Variants in CD72 observed in about 807,000 individuals in gnomAD.
CD72 encodes the protein CD72 molecule.
A neutral mutation model predicts 50.7 loss-of-function variants in CD72; 28 were observed. The ratio of observed to expected loss-of-function variants is 0.55; its 90% CI spans 0.41 to 0.76. The LOEUF is 0.76. Ranked by LOEUF, CD72 falls within the 30% of genes least tolerant of loss-of-function variation. The pLI, the probability that CD72 is intolerant of heterozygous loss-of-function variation, is 0.00. For synonymous variants in CD72, 176 were observed against 171.2 expected (o/e 1.03, Z -0.22); for missense variants, 403 against 420.6 (o/e 0.96, Z 0.37).
chr9:35,620,701 G>A (rs561388779), upstream of CD72, among the ~76,000 whole-genome samples: 2 of 152,204 alleles, frequency 1.3e-5, no homozygotes, highest in South Asian at 4.2e-4. Flanking sequence ...ATGGTGGCAT[G>A]TGCCTGTAAT....
At chr9:35,626,914 C>T (rs919764948) in intron 1 of CD72, among the ~76,000 whole-genome samples, 24 of 149,560 alleles carry the variant, frequency 1.6e-4, no homozygotes, top group Admixed American at 6.7e-4. Flanking sequence ...TGCAGTGGCA[C>T]AATGTCAGCT....
upstream of CD72, chr9:35,618,490 A>C: frequency 1.4e-6 from 2 of 1,405,672 alleles, no homozygotes; most frequent in South Asian, 2.5e-5. Flanking sequence ...GATGGGCTCA[A>C]TGAAGCAGAA....
At chr9:35,641,116 G>A (rs1352992182) in intron 1 of CD72, among the ~76,000 whole-genome samples, 1 of 152,170 alleles carries the variant, frequency 6.6e-6, no homozygotes, top group Non-Finnish European at 1.5e-5. Context: ...GGGGAGGTTG[G>A]CTGATGACCG....
chr9:35,643,886 T>C (rs1285537738), intron 1 of CD72, among the ~76,000 whole-genome samples: 1 of 151,852 alleles, frequency 6.6e-6, no homozygotes, highest in Non-Finnish European at 1.5e-5. Flanking sequence ...GTTGGGAGGC[T>C]GGGGCAGGAG....
chr9:35,618,146 AG>A (rs1823097637), intron 1 of CD72, 25 bp from the exon 2 acceptor site: 1 of 1,609,378 alleles, frequency 6.2e-7, no homozygotes, highest in South Asian at 1.1e-5. Flanking sequence ...AAAGGGACCA[AG>A]GTGGGATTTG....
upstream of CD72, chr9:35,618,964 G>T: frequency 3.0e-6 from 1 of 333,390 alleles, no homozygotes; most frequent in South Asian, 2.3e-5. Flanking sequence ...GGGAGCCAGG[G>T]AGCAGGTGAG....
Position 35,616,167 on chromosome 9 carries a change from T to A in CD72, c.464A>T (p.Glu155Val), listed in dbSNP as rs745594699. 1.2e-6 allele frequency: 2 copies of A among 1,614,060 alleles called. No homozygotes were observed. The highest frequency in any genetic ancestry group is 2.7e-5 in the African/African-American group (2 of 74,924). ...CTCTCTCCTGGACCCCTGCAGATCC[T>A]CTGCACTCTGTCCCAGCTGCGTTAT... is the stretch of plus-strand genomic sequence containing the variant. ...LKITQLGQSA[E>V]DLQGSRRELA... Residue 155 changes from glutamate to valine, a missense_variant, in exon 5 of 9, where the codon GAG (glutamate) becomes GTG (valine). Transcript: ENST00000259633.
Position 35,616,662 on chromosome 9 carries a change from A to G in CD72, c.290T>C (p.Leu97Pro). Residue 97 changes from leucine to proline, a missense_variant, in exon 4 of 9, where the codon CTG (leucine) becomes CCG (proline). Leu to Pro is a moderately conservative substitution (Grantham distance 98, BLOSUM62 -3). Coordinates refer to ENST00000259633, the MANE Select transcript of CD72 (RefSeq NM_001782.3). ...PCRTTCLRYL[L>P]LGLLLTCLLL... ...CAGGCAGGTGAGGAGCAGGCCGAGC[A>G]GGAGGTATCGCAGGCAGGTTGTGCG... The G allele has an allele frequency of 6.2e-7, 1 of 1,613,888 alleles. No individual in the cohort carries two copies. Among genetic ancestry groups the G allele is most frequent in the Non-Finnish European group, 8.5e-7 (1 of 1,179,998 alleles).
chr9:35,645,353 G>A (rs1275724266), intron 1 of CD72, among the ~76,000 whole-genome samples: 1 of 152,054 alleles, frequency 6.6e-6, no homozygotes, highest in African/African-American at 2.4e-5. Context: ...TAATCCCAGC[G>A]GGTGGATCAC....
upstream of CD72, among the ~76,000 whole-genome samples, chr9:35,623,768 T>G (rs900381956): frequency 6.6e-6 from 1 of 152,070 alleles, no homozygotes; most frequent in African/African-American, 2.4e-5. Context: ...AATACAAAAT[T>G]AGCTGGGCAT....
chr9:35,621,445 G>A (rs1484186816), upstream of CD72, among the ~76,000 whole-genome samples: 1 of 152,182 alleles, frequency 6.6e-6, no homozygotes, highest in Non-Finnish European at 1.5e-5. Flanking sequence ...CTGAAAGTCA[G>A]GCTATATCTG....
Position 35,616,040 on chromosome 9 carries a change from C to T in CD72, c.591G>A (p.Glu197=). Residue 197 remains glutamate (E), a synonymous_variant, in exon 5 of 9, where the codon GAG becomes GAA. Transcript: ENST00000259633. ...TCTGTTGCTCCTCACTTTGCAAGGT[C>T]TCCTTCGTCTTCTGTCTGTCTGCCT... The part of the protein sequence containing the change: ...ACQADRQKTK[E]TLQSEEQQRR... 4 of 1,614,164 alleles carry T rather than the reference C, an allele frequency of 2.5e-6. No individual in the cohort carries two copies. Among genetic ancestry groups the T allele is most frequent in the Non-Finnish European group, 3.4e-6 (4 of 1,180,044 alleles).
chr9:35,641,282 C>T (rs1158148886), intron 1 of CD72, among the ~76,000 whole-genome samples: 1 of 152,116 alleles, frequency 6.6e-6, no homozygotes, highest in South Asian at 2.1e-4. Flanking sequence ...GCATCTGGGG[C>T]TCCATTTGAA....
chr9:35,620,776 T>C (rs957404344), upstream of CD72, among the ~76,000 whole-genome samples: 5 of 152,116 alleles, frequency 3.3e-5, no homozygotes, highest in African/African-American at 1.2e-4. Context: ...TGAGCCGAGA[T>C]TGTGCCCATC....
At chr9:35,642,189 A>T (rs1456442354) in intron 1 of CD72, among the ~76,000 whole-genome samples, 1 of 152,208 alleles carries the variant, frequency 6.6e-6, no homozygotes, top group Non-Finnish European at 1.5e-5. Context: ...GGTCCCCTCT[A>T]GCGGCACTGG....
chr9:35,617,362 G>T (rs768749087), intron 2 of CD72, 115 bp from the exon 3 acceptor site: 6 of 1,159,430 alleles, frequency 5.2e-6, no homozygotes, highest in Non-Finnish European at 7.2e-6. Flanking sequence ...TACGTTGCCT[G>T]CTAGAGCTGC....
intron 1 of CD72, among the ~76,000 whole-genome samples, chr9:35,627,984 C>T (rs897359723): frequency 2.0e-4 from 31 of 152,044 alleles, no homozygotes; most frequent in African/African-American, 7.0e-4. Context: ...TACAGGCACT[C>T]ACCATCACAC....
Position 35,616,113 on chromosome 9 carries a change from A to C in CD72, c.518T>G (p.Val173Gly), listed in dbSNP as rs1823060447. Residue 173 changes from valine to glycine, a missense_variant, in exon 5 of 9, where the codon GTG becomes GGG. Physicochemically the swap from Val to Gly is moderately radical, Grantham distance 109 (BLOSUM62 -3). Transcript: ENST00000259633. ...ELAQSQEALQ[V>G]EQRAHQAAEG... The stretch of plus-strand genomic sequence containing the variant: ...GGCCGCCTGATGAGCCCTCTGTTCC[A>C]CCTGTAGTGCTTCCTGACTCTGCGC... 1 of 1,613,856 alleles carries C rather than the reference A, an allele frequency of 6.2e-7. No homozygotes were observed. Among genetic ancestry groups the C allele is most frequent in the South Asian group, 1.1e-5 (1 of 91,052 alleles).
chr9:35,644,399 G>A (rs922569886), intron 1 of CD72, among the ~76,000 whole-genome samples: 1 of 149,210 alleles, frequency 6.7e-6, no homozygotes, highest in Non-Finnish European at 1.5e-5. Flanking sequence ...TGTAAGGACT[G>A]GCTCCCAATT....
Sources: gnomAD v4.1 joint callset for allele counts (sites outside exome capture counted in the v4.1 genomes callset) on GRCh38, gnomAD v4.1.1 for gene constraint, MANE v1.5 for transcripts, NCBI Gene and HGNC (gene_info 2026-07-23, HGNC 2026-07-21) for gene names.